MBOAT2: variants seen among roughly 807,000 people sequenced by gnomAD.
MBOAT2 encodes the protein membrane-bound glycerophospholipid O-acyltransferase 2.
A neutral mutation model predicts 63.4 loss-of-function variants in MBOAT2; 28 were observed. That is an observed-to-expected ratio of 0.44 (90% CI 0.33 to 0.61). The LOEUF is 0.61. Ranked by LOEUF, MBOAT2 falls within the 20% of genes least tolerant of loss-of-function variation. The pLI, the probability that MBOAT2 is intolerant of heterozygous loss-of-function variation, is 0.03. For synonymous variants in MBOAT2, 211 were observed against 215.6 expected, an observed-to-expected ratio of 0.98 and a Z score of 0.19; for missense variants, 470 against 605.8, an observed-to-expected ratio of 0.78 and a Z score of 2.35.
intron 1 of MBOAT2, among the ~76,000 whole-genome samples, chr2:8,986,667 C>T (rs190300153): frequency 9.2e-5 from 14 of 152,230 alleles, no homozygotes; most frequent in African/African-American, 3.1e-4. Flanking sequence ...ATGTTGAAGC[C>T]CTTACCCCAA....
At chr2:8,983,708 G>C (rs1251448742) in intron 1 of MBOAT2, among the ~76,000 whole-genome samples, 1 of 152,124 alleles carries the variant, frequency 6.6e-6, no homozygotes, top group Non-Finnish European at 1.5e-5. Flanking sequence ...TCCTAATTTT[G>C]ATGGTCATTT....
At chr2:8,896,867 T>G (rs980767796) in intron 4 of MBOAT2, among the ~76,000 whole-genome samples, 4 of 152,208 alleles carry the variant, frequency 2.6e-5, no homozygotes, top group Non-Finnish European at 4.4e-5. Context: ...GTTCCTCCTA[T>G]GCCTGATGGG....
At chr2:8,885,047 G>A (rs1286875034) in intron 5 of MBOAT2, among the ~76,000 whole-genome samples, 3 of 152,224 alleles carry the variant, frequency 2.0e-5, no homozygotes, top group African/African-American at 7.2e-5. Flanking sequence ...TCTAACAGCT[G>A]ATACGGGTAG....
At chr2:8,978,610 T>C (rs7585370) in intron 1 of MBOAT2, among the ~76,000 whole-genome samples, 16,197 of 151,740 alleles carry the variant, frequency 0.11, 1,041 homozygotes, top group African/African-American at 0.18. Context: ...CTGAGTTGAG[T>C]AATGAGAACA....
intron 1 of MBOAT2, among the ~76,000 whole-genome samples, chr2:8,976,486 ATAAG>A (rs1352409558): frequency 6.6e-6 from 1 of 152,148 alleles, no homozygotes; most frequent in East Asian, 1.9e-4. Flanking sequence ...CAGATAAAAA[ATAAG>A]TAAGGCTCAA....
At chr2:8,968,897 G>A (rs1214725947) in intron 1 of MBOAT2, among the ~76,000 whole-genome samples, 2 of 152,118 alleles carry the variant, frequency 1.3e-5, no homozygotes, top group Non-Finnish European at 2.9e-5. Context: ...CCAAATCTAC[G>A]TCTGACTGGT....
chr2:8,853,728 A>G lies in MBOAT2; in HGVS notation c.*4951T>C, dbSNP rs899704604. Reference sequence around the variant, plus strand: ...GCGGTTCTGCATGGGTCATCACACTATAATTTACAGAACATACAGTCTTAG... The same window carrying G: ...GCGGTTCTGCATGGGTCATCACACTGTAATTTACAGAACATACAGTCTTAG... On this transcript the variant is annotated 3_prime_UTR_variant, in exon 13 of 13. Coordinates refer to ENST00000305997, the MANE Select transcript of MBOAT2 (RefSeq NM_138799.4). The G allele has an allele frequency of 1.3e-5, 2 of 152,324 alleles. No homozygotes were observed. The highest frequency in any genetic ancestry group is 1.9e-4 in the East Asian group (1 of 5,182). 9.4% of individuals were successfully genotyped at this position (152,324 alleles called of 1,614,324 possible). A position where few individuals can be genotyped will look rare whatever the true frequency, so the allele number is the denominator to read the frequency against.
chr2:8,971,740 C>G (rs1670472207), intron 1 of MBOAT2, among the ~76,000 whole-genome samples: 1 of 152,076 alleles, frequency 6.6e-6, no homozygotes, highest in Non-Finnish European at 1.5e-5. Context: ...AACAGAGAGC[C>G]AAATCATGAG....
intron 8 of MBOAT2, among the ~76,000 whole-genome samples, chr2:8,872,104 C>G (rs569462666): frequency 6.6e-6 from 1 of 152,302 alleles, no homozygotes; most frequent in Non-Finnish European, 1.5e-5. Flanking sequence ...CAGGCAAGGT[C>G]CTGTGAAAGC....
chr2:8,941,313 A>G (rs1668037576), intron 3 of MBOAT2, among the ~76,000 whole-genome samples: 1 of 152,220 alleles, frequency 6.6e-6, no homozygotes, highest in South Asian at 2.1e-4. Context: ...TCTATCCTAA[A>G]TATCAGTAGC....
intron 1 of MBOAT2, among the ~76,000 whole-genome samples, chr2:8,968,555 A>G (rs1473653081): frequency 2.0e-5 from 3 of 152,362 alleles, no homozygotes; most frequent in African/African-American, 7.2e-5. Flanking sequence ...TTGAGAGAAG[A>G]AGGCTTCAGA....
chr2:8,922,768 C>T (rs1178382043), intron 3 of MBOAT2, among the ~76,000 whole-genome samples: 1 of 152,212 alleles, frequency 6.6e-6, no homozygotes, highest in Non-Finnish European at 1.5e-5. Context: ...ATGCAGCCTC[C>T]ATCAGCCAGG....
In MBOAT2 at chr2:8,864,991, A is replaced by C. The variant is rs542814751; in HGVS notation, c.988-757T>G. Among the ~76,000 whole-genome samples, 4 of 152,120 alleles carry C rather than the reference A, an allele frequency of 2.6e-5. No individual in the cohort carries two copies. In the South Asian group the frequency reaches 8.3e-4, roughly 32 times the overall value. ...CCATTCACCTCCCTATCAAAACCCT[A>C]ATTCCAGATCAAACACACCGTCCAC... On this transcript the variant is annotated intron_variant, in intron 9 of 12. Coordinates refer to ENST00000305997, the MANE Select transcript of MBOAT2 (RefSeq NM_138799.4).
intron 7 of MBOAT2, 134 bp from the exon 8 acceptor site, chr2:8,873,434 C>T (rs377391800): frequency 2.3e-6 from 2 of 879,776 alleles, no homozygotes; most frequent in Non-Finnish European, 3.3e-6. Context: ...TCAAGAGCTA[C>T]ATTGCACTTG....
At chr2:8,977,295 T>C (rs1179204006) in intron 1 of MBOAT2, among the ~76,000 whole-genome samples, 1 of 152,154 alleles carries the variant, frequency 6.6e-6, no homozygotes, top group Non-Finnish European at 1.5e-5. Flanking sequence ...GTGATTGAGA[T>C]TACTTTCCCT....
intron 1 of MBOAT2, among the ~76,000 whole-genome samples, chr2:9,000,796 A>C (rs1443347620): frequency 1.3e-5 from 2 of 152,254 alleles, no homozygotes; most frequent in African/African-American, 2.4e-5. Context: ...GCTACACTGA[A>C]TTTATAAAAT....
At chr2:8,991,278 A>G (rs944317220) in intron 1 of MBOAT2, among the ~76,000 whole-genome samples, 5 of 152,204 alleles carry the variant, frequency 3.3e-5, no homozygotes, top group African/African-American at 1.2e-4. Context: ...CTAGACATTT[A>G]TTTTAATGTC....
At chr2:8,991,038 T>C (rs1273225722) in intron 1 of MBOAT2, among the ~76,000 whole-genome samples, 1 of 152,184 alleles carries the variant, frequency 6.6e-6, no homozygotes, top group Non-Finnish European at 1.5e-5. Flanking sequence ...ACTGCTATTC[T>C]TGGGATATAG....
At chr2:8,932,176 C>G (rs1667368263) in intron 3 of MBOAT2, among the ~76,000 whole-genome samples, 1 of 152,018 alleles carries the variant, frequency 6.6e-6, no homozygotes, top group African/African-American at 2.4e-5. Context: ...GTTAATTTAT[C>G]TAAAAGATTC....
Sources: gnomAD v4.1 joint callset for allele counts (sites outside exome capture counted in the v4.1 genomes callset) on GRCh38, gnomAD v4.1.1 for gene constraint, MANE v1.5 for transcripts, NCBI Gene and HGNC (gene_info 2026-07-23, HGNC 2026-07-21) for gene names.